GCM1: variants seen among roughly 807,000 people sequenced by gnomAD.
GCM1 encodes chorion-specific transcription factor GCMa.
GCM1 carries 2 observed loss-of-function variants against 25.7 expected under a neutral mutation model. The ratio of observed to expected loss-of-function variants is 0.08; its 90% CI spans 0.03 to 0.24. The LOEUF (loss-of-function observed/expected upper bound fraction) is 0.24, where lower values mean the gene tolerates loss of function less well. Ranked by LOEUF, GCM1 falls within the 10% of genes least tolerant of loss-of-function variation. The pLI, the probability that GCM1 is intolerant of heterozygous loss-of-function variation, is 1.00. For missense variants in GCM1, 395 were observed against 538.7 expected, an observed-to-expected ratio of 0.73 and a Z score of 2.64; for synonymous variants, 183 against 195.7, an observed-to-expected ratio of 0.94 and a Z score of 0.54.
chr6:53,145,469 C>T, intron 2 of GCM1, 89 bp downstream of exon 2: 1 of 792,180 alleles, frequency 1.3e-6, no homozygotes, highest in Non-Finnish European at 2.3e-6. Flanking sequence ...AGCTGGAATC[C>T]TCACCAATTT....
Position 53,148,084 on chromosome 6 carries a change from A to G in GCM1, c.-137+670T>C, listed in dbSNP as rs77955135. ...GATTTTCAAGACTAAATCCTCATGG[A>G]TTTTAAGTAAAATTCTATGTTTAGG... On this transcript the variant is annotated intron_variant, in intron 1 of 5. Transcript: ENST00000259803. Among the ~76,000 whole-genome samples the G allele has an allele frequency of 9.9e-4, 151 of 152,320 alleles. 3 individuals carry two copies. In the East Asian group the frequency reaches 0.024, roughly 24 times the overall value.
chr6:53,127,921 C>T lies in GCM1; in HGVS notation c.*285G>A, dbSNP rs530174664. The T allele has an allele frequency of 1.0e-4, 22 of 216,422 alleles. No individual in the cohort carries two copies. The East Asian group carries it at 1.9e-3, about 19-fold the overall frequency. The allele number at this position is 216,422 out of a possible 1,614,324, so 13.4% of individuals were successfully genotyped here. A position where few individuals can be genotyped will look rare whatever the true frequency, so the allele number is the denominator to read the frequency against. On this transcript the variant is annotated 3_prime_UTR_variant, in exon 6 of 6. Coordinates refer to ENST00000259803, the MANE Select transcript of GCM1 (RefSeq NM_003643.4). ...GCAGGTGCCTGTAATCCCAGCTACT[C>T]GGGAGGCTGACGCAGGAGAATCACT...
intron 1 of GCM1, among the ~76,000 whole-genome samples, chr6:53,146,191 G>GTT (rs10555411): frequency 1.5e-4 from 18 of 118,062 alleles, no homozygotes; most frequent in Non-Finnish European, 2.7e-4. Context: ...ATACATATAT[G>GTT]TTTTATATAT....
At chr6:53,146,858 C>T (rs1033068394) in intron 1 of GCM1, among the ~76,000 whole-genome samples, 1 of 152,082 alleles carries the variant, frequency 6.6e-6, no homozygotes, top group Admixed American at 6.6e-5. Context: ...CATGCAGAAA[C>T]CGTGTTTATA....
chr6:53,134,591 C>G (rs1216251073), intron 2 of GCM1, among the ~76,000 whole-genome samples: 1 of 152,188 alleles, frequency 6.6e-6, no homozygotes, highest in East Asian at 1.9e-4. Flanking sequence ...TGACACTTCC[C>G]TAGCCCTCAG....
intron 2 of GCM1, among the ~76,000 whole-genome samples, chr6:53,137,793 G>A (rs1043165470): frequency 2.0e-5 from 3 of 152,194 alleles, no homozygotes; most frequent in Non-Finnish European, 4.4e-5. Context: ...CTTTAAAGGT[G>A]AGTGGCCACT....
chr6:53,142,376 C>A (rs1763888152), intron 2 of GCM1, among the ~76,000 whole-genome samples: 2 of 152,132 alleles, frequency 1.3e-5, no homozygotes, highest in Admixed American at 1.3e-4. Context: ...GGTAATACTG[C>A]CTAATACAGC....
At chr6:53,148,389 G>A (rs1046616193) in intron 1 of GCM1, among the ~76,000 whole-genome samples, 1 of 152,068 alleles carries the variant, frequency 6.6e-6, no homozygotes, top group Non-Finnish European at 1.5e-5. Flanking sequence ...TTTAAATTAA[G>A]GGAAGAATAA....
intron 2 of GCM1, among the ~76,000 whole-genome samples, chr6:53,145,012 AAG>A (rs1344370141): frequency 1.3e-5 from 2 of 151,974 alleles, no homozygotes; most frequent in Non-Finnish European, 2.9e-5. Context: ...GAAAAAAAGA[AAG>A]AAAGAAAAAA....
At chr6:53,142,293 A>T (rs115885550) in intron 2 of GCM1, among the ~76,000 whole-genome samples, 2,337 of 152,262 alleles carry the variant, frequency 0.015, 22 homozygotes, top group Middle Eastern at 0.041. Flanking sequence ...TTAAATGCCA[A>T]AAAAGGTAGT....
rs995192010 is a variant in GCM1, at chr6:53,127,726, T to A, written c.*480A>T. ...GAGAAGAAGCCAAAAAAATTACTCA[T>A]GTGAAGAAAAAAGCCTTGTCAGCCG... is the stretch of plus-strand genomic sequence containing the variant. On this transcript the variant is annotated 3_prime_UTR_variant, in exon 6 of 6. Transcript: ENST00000259803. 1 of 152,486 alleles carries A rather than the reference T, an allele frequency of 6.6e-6. No individual in the cohort carries two copies. The highest frequency in any genetic ancestry group is 2.4e-5 in the African/African-American group (1 of 41,338). 9.4% of individuals were successfully genotyped at this position (152,486 alleles called of 1,614,324 possible). A position where few individuals can be genotyped will look rare whatever the true frequency, so the allele number is the denominator to read the frequency against.
chr6:53,145,429 G>C (rs1391185244), intron 2 of GCM1, 129 bp downstream of exon 2: 3 of 699,986 alleles, frequency 4.3e-6, no homozygotes, highest in African/African-American at 3.6e-5. Context: ...CGGCTGTCTA[G>C]CTGAAACTCT....
intron 2 of GCM1, among the ~76,000 whole-genome samples, chr6:53,141,245 A>G (rs1306282955): frequency 6.6e-6 from 1 of 152,226 alleles, no homozygotes; most frequent in African/African-American, 2.4e-5. Flanking sequence ...CCTGCATTTA[A>G]GTTTCTCAAA....
At chr6:53,139,261 T>A (rs1763841296) in intron 2 of GCM1, among the ~76,000 whole-genome samples, 1 of 152,096 alleles carries the variant, frequency 6.6e-6, no homozygotes, top group Non-Finnish European at 1.5e-5. Context: ...TTGATTTACA[T>A]ACAACTTTTC....
Position 53,128,937 on chromosome 6 carries a change from C to A in GCM1, c.580G>T (p.Gly194Cys). The A allele has an allele frequency of 6.2e-7, 1 of 1,611,042 alleles. No homozygotes were observed. Among genetic ancestry groups the A allele is most frequent in the Non-Finnish European group, 8.5e-7 (1 of 1,178,430 alleles). ...AAACTCCCCTGACTTTGTGTTTCAC[C>A]TGGAAGAGACTGGAAAGGAAAGTGA... is the stretch of plus-strand genomic sequence containing the variant. ...KGSTETRSLP[G>C]ETQSQGSLPL... Residue 194 changes from glycine (G) to cysteine (C), a missense_variant, in exon 6 of 6, where the codon GGT becomes TGT. By Grantham distance (159) the Gly-to-Cys change is radical. This residue lies in a region of GCM1 where 291 missense variants were observed against 314.6 expected (regional missense o/e 0.92). Coordinates refer to ENST00000259803, the MANE Select transcript of GCM1 (RefSeq NM_003643.4).
At position 53,144,626 on chromosome 6, in the gene GCM1, T is replaced by C. The variant is rs6928408; in HGVS notation, c.75+932A>G. Among the ~76,000 whole-genome samples, 40 of 145,632 alleles carry C rather than the reference T, an allele frequency of 2.7e-4. No individual in the cohort carries two copies. The South Asian group carries it at 5.8e-3, about 21-fold the overall frequency. On this transcript the variant is annotated intron_variant, in intron 2 of 5. Coordinates refer to ENST00000259803, the MANE Select transcript of GCM1 (RefSeq NM_003643.4). The stretch of plus-strand genomic sequence containing the variant: ...GGGCAACATAGCAAAGCCCTGACTC[T>C]ACACACACACACACACAAGTACAAA...
intron 2 of GCM1, among the ~76,000 whole-genome samples, chr6:53,145,268 C>T (rs115673929): frequency 6.6e-6 from 1 of 152,292 alleles, no homozygotes; most frequent in Non-Finnish European, 1.5e-5. Context: ...ATCATACTGT[C>T]TAGCCAGAGT....
In GCM1 at chr6:53,128,412, G is replaced by A. The variant is rs1763675837; in HGVS notation, c.1105C>T (p.His369Tyr). The part of the protein sequence containing the change: ...PAGNLYEEKV[H>Y]VDFNSYVQSP... Reference sequence around the variant, plus strand: ...TGGACGTAGCTGTTAAAATCCACATGTACTTTCTCTTCATAAAGATTACCC... The same window carrying A: ...TGGACGTAGCTGTTAAAATCCACATATACTTTCTCTTCATAAAGATTACCC... Residue 369 changes from histidine (H) to tyrosine (Y), a missense_variant, in exon 6 of 6, where the codon CAT (histidine) becomes TAT (tyrosine). Around this residue, in one of 5 missense-constraint regions of GCM1, gnomAD observed 291 missense variants for 314.6 expected, o/e 0.92. Transcript: ENST00000259803. 2.5e-6 allele frequency: 4 copies of A among 1,613,766 alleles called. No individual in the cohort carries two copies. In the South Asian group the frequency reaches 3.3e-5, roughly 13 times the overall value.
intron 1 of GCM1, among the ~76,000 whole-genome samples, chr6:53,146,992 T>C (rs1763966922): frequency 6.6e-6 from 1 of 152,058 alleles, no homozygotes; most frequent in African/African-American, 2.4e-5. Flanking sequence ...CAAGATTGTG[T>C]CACTGCATGC....
Sources: gnomAD v4.1 joint callset for allele counts (sites outside exome capture counted in the v4.1 genomes callset) on GRCh38, gnomAD v4.1.1 for gene constraint, gnomAD v4.1.1 regional missense constraint, MANE v1.5 for transcripts, NCBI Gene and HGNC (gene_info 2026-07-23, HGNC 2026-07-21) for gene names.